CAMK4: variants seen among roughly 807,000 people sequenced by gnomAD.
The protein encoded by CAMK4 is calcium/calmodulin-dependent protein kinase type IV.
CAMK4 carries 22 observed loss-of-function variants against 44.9 expected under a neutral mutation model. The ratio of observed to expected loss-of-function variants is 0.49; its 90% CI spans 0.35 to 0.70. CAMK4 has a LOEUF of 0.70. Among genes scored for constraint, CAMK4 ranks in the 30% least tolerant of loss-of-function variants. The probability of loss-of-function intolerance (pLI) is 0.01; values close to 1 mark genes in which losing one functional copy is unlikely to be tolerated. For missense variants in CAMK4, 498 were observed against 586.8 expected (o/e 0.85, Z 1.56); for synonymous variants, 218 against 215.4 (o/e 1.01, Z -0.11).
At chr5:111,423,228 G>T (rs981854572) in intron 5 of CAMK4, among the ~76,000 whole-genome samples, 1 of 152,120 alleles carries the variant, frequency 6.6e-6, no homozygotes, top group Non-Finnish European at 1.5e-5. Context: ...ATCTAACTCT[G>T]CAGGAGAGCA....
At chr5:111,363,035 T>G (rs1454341337) in intron 2 of CAMK4, among the ~76,000 whole-genome samples, 1 of 152,092 alleles carries the variant, frequency 6.6e-6, no homozygotes, top group Non-Finnish European at 1.5e-5. Context: ...AAGTACGGGA[T>G]TTCTATCTGG....
chr5:111,246,887 A>G (rs1204348988), intron 1 of CAMK4, among the ~76,000 whole-genome samples: 5 of 152,318 alleles, frequency 3.3e-5, no homozygotes, highest in African/African-American at 1.2e-4. Flanking sequence ...GCTGAGCAGC[A>G]ACCAATAATG....
intron 3 of CAMK4, among the ~76,000 whole-genome samples, chr5:111,376,406 T>C (rs1353425854): frequency 6.6e-6 from 1 of 152,052 alleles, no homozygotes; most frequent in Non-Finnish European, 1.5e-5. Flanking sequence ...CCTTTACATA[T>C]AGGCCGACTT....
At chr5:111,459,881 T>A (rs1329258681) in intron 7 of CAMK4, among the ~76,000 whole-genome samples, 2 of 151,966 alleles carry the variant, frequency 1.3e-5, no homozygotes, top group Non-Finnish European at 2.9e-5. Flanking sequence ...ATGGTAATCC[T>A]TAACTTCTGG....
Position 111,455,378 on chromosome 5 carries a change from A to G in CAMK4, c.625+6175A>G, listed in dbSNP as rs182184203. 9.8e-5 allele frequency among the ~76,000 whole-genome samples: 15 copies of G among 152,290 alleles called. No homozygotes were observed. The East Asian group carries it at 1.9e-3, about 20-fold the overall frequency. On this transcript the variant is annotated intron_variant, in intron 7 of 10. Coordinates refer to ENST00000282356, the MANE Select transcript of CAMK4 (RefSeq NM_001744.6). ...AAAAACTCTCATTGCTTGGTAACCA[A>G]TTAATTCTGTCATAATTATCAATAA...
At chr5:111,402,434 G>T (rs1395050047) in intron 5 of CAMK4, among the ~76,000 whole-genome samples, 1 of 152,204 alleles carries the variant, frequency 6.6e-6, no homozygotes, top group Admixed American at 6.5e-5. Flanking sequence ...CGAAATAAGA[G>T]AAGTAACACA....
intron 1 of CAMK4, among the ~76,000 whole-genome samples, chr5:111,313,413 A>G (rs1197294690): frequency 6.6e-6 from 1 of 152,100 alleles, no homozygotes; most frequent in Non-Finnish European, 1.5e-5. Flanking sequence ...ATGTCCTTAT[A>G]CTTAAGAAAT....
intron 1 of CAMK4, among the ~76,000 whole-genome samples, chr5:111,267,222 T>A (rs1259172451): frequency 6.6e-6 from 1 of 152,196 alleles, no homozygotes; most frequent in Non-Finnish European, 1.5e-5. Context: ...AAAGTCTTCA[T>A]TTCTTTTAGT....
At chr5:111,424,935 G>T (rs1341816673) in intron 5 of CAMK4, among the ~76,000 whole-genome samples, 2 of 152,074 alleles carry the variant, frequency 1.3e-5, no homozygotes, top group South Asian at 2.1e-4. Context: ...AGGCAGAGGT[G>T]GGCAGATCAC....
chr5:111,419,658 A>G (rs558108547), intron 5 of CAMK4, among the ~76,000 whole-genome samples: 1 of 152,314 alleles, frequency 6.6e-6, no homozygotes, highest in African/African-American at 2.4e-5. Flanking sequence ...AGCTTTCTAC[A>G]TATGGCTAGC....
At chr5:111,452,318 T>C (rs1298175259) in intron 7 of CAMK4, among the ~76,000 whole-genome samples, 1 of 152,232 alleles carries the variant, frequency 6.6e-6, no homozygotes, top group Non-Finnish European at 1.5e-5. Flanking sequence ...AAAGAATCTA[T>C]ACATCAGGCT....
At position 111,264,652 on chromosome 5, in the gene CAMK4, TC is replaced by T. The variant is rs756003091; in HGVS notation, c.161+40009del. The stretch of plus-strand genomic sequence containing the variant: ...ATATCCGTTTCAGCTTGCTGTCCTC[TC>T]TTGTCACTGGTGATACTTTAAGAGT... On this transcript the variant is annotated intron_variant, in intron 1 of 10. Coordinates refer to ENST00000282356, the MANE Select transcript of CAMK4 (RefSeq NM_001744.6). Among the ~76,000 whole-genome samples, 4 of 152,126 alleles carry T rather than the reference TC, an allele frequency of 2.6e-5. No individual in the cohort carries two copies. The South Asian group carries it at 6.2e-4, about 24-fold the overall frequency.
chr5:111,414,399 G>GCAGCAA (rs1187669788), intron 5 of CAMK4, among the ~76,000 whole-genome samples: 2 of 152,056 alleles, frequency 1.3e-5, no homozygotes, highest in East Asian at 1.9e-4. Flanking sequence ...AGCAGCAGCA[G>GCAGCAA]CAGCAACAGC....
intron 1 of CAMK4, among the ~76,000 whole-genome samples, chr5:111,238,492 C>T (rs946426628): frequency 9.2e-5 from 14 of 152,016 alleles, no homozygotes; most frequent in East Asian, 3.9e-4. Flanking sequence ...CATCAGAACC[C>T]GACCACACTG....
In CAMK4 at chr5:111,351,262, T is replaced by C. The variant is rs918013071; in HGVS notation, c.240+7160T>C. Among the ~76,000 whole-genome samples, 6 of 152,282 alleles carry C rather than the reference T, an allele frequency of 3.9e-5. No individual in the cohort carries two copies. The East Asian group carries it at 1.2e-3, about 29-fold the overall frequency. On this transcript the variant is annotated intron_variant, in intron 2 of 10. Coordinates refer to ENST00000282356, the MANE Select transcript of CAMK4 (RefSeq NM_001744.6). ...ATAGAGAACTATGTTTGAATCTAGATGTACTGTATTAACTGGCCAAGTGAT... is the reference window on the plus strand; with the variant it reads ...ATAGAGAACTATGTTTGAATCTAGACGTACTGTATTAACTGGCCAAGTGAT...
intron 4 of CAMK4, among the ~76,000 whole-genome samples, chr5:111,377,407 A>G (rs879840285): frequency 1.3e-5 from 2 of 151,868 alleles, no homozygotes; most frequent in Non-Finnish European, 2.9e-5. Flanking sequence ...AGTCTGTGTA[A>G]AGAGTTCCAT....
chr5:111,281,679 G>C (rs562477902), intron 1 of CAMK4, among the ~76,000 whole-genome samples: 1 of 152,142 alleles, frequency 6.6e-6, no homozygotes, highest in African/African-American at 2.4e-5. Context: ...AGAGTTTGAA[G>C]CCATTTTTAT....
intron 1 of CAMK4, among the ~76,000 whole-genome samples, chr5:111,275,307 C>T (rs1264409740): frequency 6.6e-6 from 1 of 152,020 alleles, no homozygotes. Context: ...AGACCAGAAT[C>T]TTAGAACACT....
chr5:111,363,095 G>A (rs951623623), intron 2 of CAMK4, among the ~76,000 whole-genome samples: 1 of 152,070 alleles, frequency 6.6e-6, no homozygotes, highest in Non-Finnish European at 1.5e-5. Context: ...GTGAGCAGGA[G>A]TATCAGTACT....
Sources: allele counts gnomAD v4.1 joint callset (sites outside exome capture counted in the v4.1 genomes callset), GRCh38; gene constraint gnomAD v4.1.1; transcripts MANE v1.5; gene names NCBI Gene and HGNC (gene_info 2026-07-23, HGNC 2026-07-21).